Variants in TBC1D8 observed in about 807,000 individuals in gnomAD.
The protein encoded by TBC1D8 is TBC1 domain family member 8.
TBC1D8 carries 65 observed loss-of-function variants against 118.8 expected under a neutral mutation model. The observed-to-expected ratio is 0.55, with a 90% confidence interval of 0.45 to 0.67. The LOEUF (loss-of-function observed/expected upper bound fraction) is 0.67, where lower values mean the gene tolerates loss of function less well. Among genes scored for constraint, TBC1D8 ranks in the 30% least tolerant of loss-of-function variants. The pLI is 0.00. For missense variants in TBC1D8, 1,376 were observed against 1,471.2 expected, an observed-to-expected ratio of 0.94 and a Z score of 1.06; for synonymous variants, 566 against 595.8, an observed-to-expected ratio of 0.95 and a Z score of 0.73.
At chr2:101,034,204 T>C (rs540260396) in intron 9 of TBC1D8, among the ~76,000 whole-genome samples, 97 of 152,022 alleles carry the variant, frequency 6.4e-4, no homozygotes, top group Non-Finnish European at 1.1e-3. Context: ...ATAAAAGAAA[T>C]AGTATGGCTT....
intron 5 of TBC1D8, among the ~76,000 whole-genome samples, chr2:101,046,981 C>T (rs1455597276): frequency 6.6e-6 from 1 of 152,208 alleles, no homozygotes; most frequent in African/African-American, 2.4e-5. Flanking sequence ...AAAAAACAGC[C>T]GAATACACTT....
intron 1 of TBC1D8, among the ~76,000 whole-genome samples, chr2:101,141,610 A>G (rs534101125): frequency 6.6e-6 from 1 of 152,282 alleles, no homozygotes; most frequent in Non-Finnish European, 1.5e-5. Flanking sequence ...TAAACTCTGA[A>G]GGAAAAAGAT....
intron 5 of TBC1D8, among the ~76,000 whole-genome samples, chr2:101,048,010 C>T (rs941662182): frequency 1.5e-4 from 23 of 152,272 alleles, no homozygotes; most frequent in East Asian, 1.4e-3. Flanking sequence ...GAGGAATCAC[C>T]GGAAATCCCA....
chr2:101,091,635 G>A (rs1676043588), intron 1 of TBC1D8, among the ~76,000 whole-genome samples: 1 of 152,172 alleles, frequency 6.6e-6, no homozygotes, highest in South Asian at 2.1e-4. Context: ...TGAGGCGGGA[G>A]GATGGCTTCA....
At chr2:101,039,034 A>G (rs898668516) in intron 6 of TBC1D8, among the ~76,000 whole-genome samples, 8 of 152,202 alleles carry the variant, frequency 5.3e-5, no homozygotes, top group Non-Finnish European at 1.0e-4. Flanking sequence ...TCATAGATAC[A>G]GGAAGTAGAA....
At position 101,029,729 on chromosome 2, in the gene TBC1D8, G is replaced by C. The variant is rs764455401; in HGVS notation, c.1984C>G (p.Leu662Val). 1.2e-6 allele frequency: 2 copies of C among 1,614,012 alleles called. No individual in the cohort carries two copies. The highest frequency in any genetic ancestry group is 1.7e-6 in the Non-Finnish European group (2 of 1,179,896). Residue 662 changes from leucine to valine, a missense_variant, in exon 12 of 20, where the codon CTC becomes GTC. By Grantham distance (32) the Leu-to-Val change is conservative. Coordinates refer to ENST00000409318, the MANE Select transcript of TBC1D8 (RefSeq NM_001330348.2). ...TTCATGTGCTCTGCCAGCTCTGGGAGATGACCCTTGATGAGCTCCTCGAAG... is the reference window on the plus strand; with the variant it reads ...TTCATGTGCTCTGCCAGCTCTGGGACATGACCCTTGATGAGCTCCTCGAAG... The part of the protein sequence containing the change: ...SVFEELIKGH[L>V]PELAEHMNDL...
intron 1 of TBC1D8, among the ~76,000 whole-genome samples, chr2:101,120,655 A>G (rs1260075854): frequency 2.0e-5 from 3 of 152,268 alleles, no homozygotes; most frequent in African/African-American, 7.2e-5. Flanking sequence ...GCAAAAGGAT[A>G]CAAGGCCCAT....
intron 1 of TBC1D8, among the ~76,000 whole-genome samples, chr2:101,121,451 T>C (rs1388054574): frequency 6.6e-6 from 1 of 151,940 alleles, no homozygotes; most frequent in African/African-American, 2.4e-5. Flanking sequence ...CAGCAAAGAG[T>C]GGGAGAGGGA....
At chr2:101,098,791 GA>G (rs1348974385) in intron 1 of TBC1D8, among the ~76,000 whole-genome samples, 1 of 152,060 alleles carries the variant, frequency 6.6e-6, no homozygotes, top group East Asian at 1.9e-4. Context: ...AATTACAGCA[GA>G]AATCAAGTTC....
At position 101,011,557 on chromosome 2, in the gene TBC1D8, A is replaced by G. The variant is rs1353103460; in HGVS notation, c.2828-17T>C. 4 of 1,613,472 alleles carry G rather than the reference A, an allele frequency of 2.5e-6. No homozygotes were observed. Among genetic ancestry groups the G allele is most frequent in the Non-Finnish European group, 3.4e-6 (4 of 1,179,648 alleles). On this transcript the variant is annotated splice_polypyrimidine_tract_variant and intron_variant, in intron 17 of 19. Transcript: ENST00000409318. The stretch of plus-strand genomic sequence containing the variant: ...CAGTGAGTGCTTAAAAAAAGATGAG[A>G]GGTTTAAATTAAACAAATTTTCTGC...
intron 2 of TBC1D8, among the ~76,000 whole-genome samples, chr2:101,066,215 T>C (rs1050904598): frequency 4.0e-5 from 6 of 151,774 alleles, no homozygotes; most frequent in Admixed American, 2.6e-4. Flanking sequence ...ACCCGGGAGA[T>C]GGAGGTTGCA....
At chr2:101,150,852 T>C (rs4073616) in intron 1 of TBC1D8, among the ~76,000 whole-genome samples, 55,892 of 151,970 alleles carry the variant, frequency 0.37, 10,592 homozygotes, top group African/African-American at 0.44. Flanking sequence ...GATTCCCAAG[T>C]CGAGTCCGGC....
intron 5 of TBC1D8, among the ~76,000 whole-genome samples, chr2:101,042,925 T>C (rs1187295254): frequency 6.6e-6 from 1 of 152,124 alleles, no homozygotes; most frequent in African/African-American, 2.4e-5. Flanking sequence ...AGACCTCACC[T>C]CAACCATGCC....
chr2:101,038,388 A>C, intron 7 of TBC1D8, 73 bp downstream of exon 7: 1 of 1,517,754 alleles, frequency 6.6e-7, no homozygotes. Flanking sequence ...GGCTCTCCCC[A>C]TGTGTACTCC....
chr2:101,032,133 G>A, intron 11 of TBC1D8, 135 bp downstream of exon 11: 1 of 772,366 alleles, frequency 1.3e-6, no homozygotes, highest in Non-Finnish European at 2.1e-6. Flanking sequence ...GCAAATTCAG[G>A]AGTCAAACTG....
At position 101,122,350 on chromosome 2, in the gene TBC1D8, C is replaced by T. The variant is rs1277097595; in HGVS notation, c.127+28777G>A. Reference sequence around the variant, plus strand: ...CCTCCCAAAGTGCTAGGATTACAGGCGTGAGCCACCGCGCCCGGCCAAGAC... The same window carrying T: ...CCTCCCAAAGTGCTAGGATTACAGGTGTGAGCCACCGCGCCCGGCCAAGAC... On this transcript the variant is annotated intron_variant, in intron 1 of 19. Transcript: ENST00000409318. 1.3e-4 allele frequency among the ~76,000 whole-genome samples: 16 copies of T among 127,054 alleles called. No individual in the cohort carries two copies. In the East Asian group the frequency reaches 3.7e-3, roughly 29 times the overall value. The allele number at this position is 127,054 out of a possible 152,430, so 83.4% of individuals were successfully genotyped here.
chr2:101,043,463 C>T (rs1386696836), intron 5 of TBC1D8, among the ~76,000 whole-genome samples: 1 of 152,222 alleles, frequency 6.6e-6, no homozygotes, highest in Non-Finnish European at 1.5e-5. Context: ...TTCTAGTCGC[C>T]AGTGAGTTCA....
chr2:101,104,907 T>A (rs2582930), intron 1 of TBC1D8, among the ~76,000 whole-genome samples: 93,687 of 151,630 alleles, frequency 0.62, 29,088 homozygotes, highest in East Asian at 0.82. Flanking sequence ...CCAGCTATTC[T>A]GGAGGCTGAA....
intron 9 of TBC1D8, among the ~76,000 whole-genome samples, chr2:101,034,434 C>T (rs1430322715): frequency 6.6e-6 from 1 of 152,200 alleles, no homozygotes; most frequent in Admixed American, 6.5e-5. Flanking sequence ...AAGGGGCCAG[C>T]AGCACGGCGC....
Sources: gnomAD v4.1 joint callset for allele counts (sites outside exome capture counted in the v4.1 genomes callset) on GRCh38, gnomAD v4.1.1 for gene constraint, MANE v1.5 for transcripts, NCBI Gene and HGNC (gene_info 2026-07-23, HGNC 2026-07-21) for gene names.